Variants in EDA observed in about 807,000 individuals in gnomAD.
The protein encoded by EDA is ectodysplasin-A.
A neutral mutation model predicts 23.6 loss-of-function variants in EDA; 2 were observed. That is an observed-to-expected ratio of 0.08 (90% CI 0.03 to 0.27). The LOEUF (loss-of-function observed/expected upper bound fraction) is 0.27, where lower values mean the gene tolerates loss of function less well. Ranked by LOEUF, EDA falls within the 10% of genes least tolerant of loss-of-function variation. EDA has a pLI of 1.00. For synonymous variants in EDA, 131 were observed against 132.0 expected, an observed-to-expected ratio of 0.99 and a Z score of 0.05; for missense variants, 229 against 324.2, an observed-to-expected ratio of 0.71 and a Z score of 2.26.
chrX:69,895,271 C>A (rs2017994255), intron 1 of EDA, among the ~76,000 whole-genome samples: 1 of 110,244 alleles, frequency 9.1e-6, no homozygotes, highest in Admixed American at 9.8e-5. Flanking sequence ...CTTGATCACA[C>A]CACCTCTATT....
intron 1 of EDA, among the ~76,000 whole-genome samples, chrX:69,876,035 G>T (rs946519551): frequency 1.8e-5 from 2 of 112,008 alleles, no homozygotes; most frequent in Non-Finnish European, 3.8e-5. Flanking sequence ...TGCACTGCTG[G>T]TGGGAATGTA....
chrX:69,681,675 G>A (rs1934357438), intron 1 of EDA, among the ~76,000 whole-genome samples: 1 of 110,128 alleles, frequency 9.1e-6, no homozygotes, highest in Admixed American at 9.7e-5. Flanking sequence ...AGCTCCATCA[G>A]CTCCTTTAAG....
chrX:69,670,641 A>G (rs1452650788), intron 1 of EDA, among the ~76,000 whole-genome samples: 1 of 107,969 alleles, frequency 9.3e-6, no homozygotes, highest in South Asian at 4.0e-4. Flanking sequence ...AAAAAAAACC[A>G]CCATCTTCAG....
intron 1 of EDA, among the ~76,000 whole-genome samples, chrX:69,916,594 A>G (rs1343160674): frequency 2.8e-5 from 3 of 108,178 alleles, no homozygotes; most frequent in African/African-American, 6.7e-5. Context: ...TTTAGTAGAG[A>G]CAGGGTTTCA....
intron 1 of EDA, among the ~76,000 whole-genome samples, chrX:69,689,399 G>A (rs1264251131): frequency 6.5e-5 from 7 of 107,956 alleles, no homozygotes; most frequent in Middle Eastern, 4.9e-3. Flanking sequence ...GGGTTCAAGC[G>A]AGTCTCCTGT....
intron 1 of EDA, among the ~76,000 whole-genome samples, chrX:69,789,537 G>T (rs2015336184): frequency 8.9e-6 from 1 of 111,926 alleles, no homozygotes; most frequent in Admixed American, 9.5e-5. Flanking sequence ...TCACCATTCT[G>T]TTAAAACCTT....
chrX:69,699,345 A>G (rs2011468419), intron 1 of EDA, among the ~76,000 whole-genome samples: 1 of 111,118 alleles, frequency 9.0e-6, no homozygotes. Context: ...TCTGAGGAGT[A>G]AAGAGGAGAG....
chrX:69,973,548 A>G (rs762514723), intron 2 of EDA, among the ~76,000 whole-genome samples: 10 of 111,499 alleles, frequency 9.0e-5, no homozygotes, highest in Non-Finnish European at 1.3e-4. Context: ...GTTCTGATCC[A>G]TATTGGAACT....
At chrX:69,818,342 C>T (rs1314172619) in intron 1 of EDA, among the ~76,000 whole-genome samples, 1 of 111,167 alleles carries the variant, frequency 9.0e-6, no homozygotes, top group African/African-American at 3.3e-5. Context: ...AACCCCAAAC[C>T]TAGCAGAAGA....
At chrX:69,891,259 A>T (rs1255857393) in intron 1 of EDA, among the ~76,000 whole-genome samples, 1 of 111,790 alleles carries the variant, frequency 8.9e-6, no homozygotes, top group Non-Finnish European at 1.9e-5. Flanking sequence ...TTGTGGAGAA[A>T]AACAAACACT....
chrX:69,630,182 A>G (rs1932520372), intron 1 of EDA, among the ~76,000 whole-genome samples: 1 of 111,366 alleles, frequency 9.0e-6, no homozygotes, highest in African/African-American at 3.3e-5. Flanking sequence ...GAGTCAAGGA[A>G]GGGGAGGGGG....
At position 69,996,690 on chromosome X, in the gene EDA, A is replaced by G. The variant is rs1335169758; in HGVS notation, c.503-26528A>G. 2.7e-5 allele frequency among the ~76,000 whole-genome samples: 3 copies of G among 111,944 alleles called. No individual in the cohort carries two copies. In the East Asian group the frequency reaches 8.5e-4, roughly 32 times the overall value. ...TAACTCTTTAAGCTTCATCTCCACC[A>G]TAAAGCCTGATACAGTTTGGCTCTG... On this transcript the variant is annotated intron_variant, in intron 2 of 7. Coordinates refer to ENST00000374552, the MANE Select transcript of EDA (RefSeq NM_001399.5).
At chrX:69,731,406 G>T (rs5980841) in intron 1 of EDA, among the ~76,000 whole-genome samples, 21,848 of 110,351 alleles carry the variant, frequency 0.2, 1,652 homozygotes, top group African/African-American at 0.24. Context: ...TAAGCTGAAT[G>T]AGTAGGTTAT....
At chrX:69,832,605 A>G (rs2016644414) in intron 1 of EDA, among the ~76,000 whole-genome samples, 1 of 111,751 alleles carries the variant, frequency 8.9e-6, no homozygotes, top group Non-Finnish European at 1.9e-5. Context: ...TGGGGATGGC[A>G]TTGAATCTAT....
chrX:69,877,174 G>A (rs1261498714), intron 1 of EDA, among the ~76,000 whole-genome samples: 2 of 111,905 alleles, frequency 1.8e-5, no homozygotes, highest in African/African-American at 6.5e-5. Flanking sequence ...AGCCAGGCAT[G>A]ATGGTACACA....
intron 1 of EDA, among the ~76,000 whole-genome samples, chrX:69,798,384 G>A: frequency 1.8e-5 from 2 of 111,605 alleles, no homozygotes; most frequent in Admixed American, 1.9e-4. Context: ...TCAGCATGTG[G>A]AACATTCTCC....
Position 69,616,215 on chromosome X carries a change from A to G in EDA, c.-94A>G. 9.5e-7 allele frequency: 1 copy of G among 1,052,722 alleles called. No individual in the cohort carries two copies. Among genetic ancestry groups the G allele is most frequent in the South Asian group, 2.1e-5 (1 of 47,625 alleles). 86.8% of individuals were successfully genotyped at this position (1,052,722 alleles called of 1,213,427 possible). A position where few individuals can be genotyped will look rare whatever the true frequency, so the allele number is the denominator to read the frequency against. On this transcript the variant is annotated 5_prime_UTR_variant, in exon 1 of 8. The change abolishes an upstream ATG in the 5' untranslated region. Coordinates refer to ENST00000374552, the MANE Select transcript of EDA (RefSeq NM_001399.5). ...AACGGGTCCCTGCAGCCCCCAGCCG[A>G]TGGCAGGACAGTAGCCGCCTGTCAG... is the stretch of plus-strand genomic sequence containing the variant.
At chrX:69,622,162 C>T (rs994437605) in intron 1 of EDA, among the ~76,000 whole-genome samples, 5 of 111,971 alleles carry the variant, frequency 4.5e-5, no homozygotes, top group East Asian at 2.8e-4. Context: ...GGGGCTATTA[C>T]GGATGCTGAT....
At chrX:69,771,999 GGCTGGA>G (rs1260803612) in intron 1 of EDA, among the ~76,000 whole-genome samples, 5 of 112,009 alleles carry the variant, frequency 4.5e-5, no homozygotes, top group Non-Finnish European at 7.5e-5. Flanking sequence ...CTGTTGCCCA[GGCTGGA>G]GTACAGTGGT....
Sources: allele counts gnomAD v4.1 joint callset (sites outside exome capture counted in the v4.1 genomes callset), GRCh38; gene constraint gnomAD v4.1.1; transcripts MANE v1.5; gene names NCBI Gene and HGNC (gene_info 2026-07-23, HGNC 2026-07-21).